OR2L13: variants seen among roughly 807,000 people sequenced by gnomAD.
OR2L13 encodes the protein olfactory receptor 2L13.
OR2L13 carries 14 observed loss-of-function variants against 15.3 expected under a neutral mutation model. That is an observed-to-expected ratio of 0.91 (90% CI 0.60 to 1.43). The LOEUF is 1.43. Ranked by LOEUF, OR2L13 falls within the 40% of genes most tolerant of loss-of-function variation. The pLI is 0.00. For synonymous variants in OR2L13, 152 were observed against 142.9 expected (o/e 1.06, Z -0.45); for missense variants, 367 against 387.9 (o/e 0.95, Z 0.45).
At chr1:248,037,252 C>T in the OR2L13 span, among the ~76,000 whole-genome samples, 4 of 152,200 alleles carry the variant, frequency 2.6e-5, no homozygotes, top group African/African-American at 7.2e-5. Context: ...AATTATTATG[C>T]AAAGACAATT....
chr1:248,051,113 A>G, the OR2L13 span: 1 of 152,152 alleles, frequency 6.6e-6, no homozygotes, highest in East Asian at 1.9e-4. Context: ...CTCCAAAACA[A>G]TTTCATTGTC....
chr1:248,034,716 T>A, the OR2L13 span, among the ~76,000 whole-genome samples: 4 of 152,180 alleles, frequency 2.6e-5, no homozygotes, highest in African/African-American at 9.7e-5. Flanking sequence ...AATCCTTAAG[T>A]GTTTCGTTTC....
chr1:248,049,561 C>T, the OR2L13 span, among the ~76,000 whole-genome samples: 12 of 152,066 alleles, frequency 7.9e-5, no homozygotes, highest in Admixed American at 5.2e-4. Flanking sequence ...AACCATTTTT[C>T]TGTGAAGCTA....
chr1:247,979,745 G>A, the OR2L13 span, among the ~76,000 whole-genome samples: 35 of 152,134 alleles, frequency 2.3e-4, no homozygotes, highest in South Asian at 1.9e-3. Flanking sequence ...TGTTGGTCCC[G>A]CTGGGAGATG....
the OR2L13 span, among the ~76,000 whole-genome samples, chr1:248,060,130 T>C: frequency 6.6e-6 from 1 of 152,202 alleles, no homozygotes; most frequent in Non-Finnish European, 1.5e-5. Flanking sequence ...AATGTATGCA[T>C]TTATACTGAC....
At chr1:248,039,757 AT>A in the OR2L13 span, 1 of 152,214 alleles carries the variant, frequency 6.6e-6, no homozygotes, top group Non-Finnish European at 1.5e-5. Flanking sequence ...TAAGACAAAA[AT>A]AACAAATTAG....
chr1:248,022,435 TCC>T, the OR2L13 span: 1 of 1,614,058 alleles, frequency 6.2e-7, no homozygotes, highest in African/African-American at 1.3e-5. Context: ...GTATATGCAT[TCC>T]GTATCCCATA....
At chr1:247,957,522 G>T in the OR2L13 span, among the ~76,000 whole-genome samples, 1 of 152,194 alleles carries the variant, frequency 6.6e-6, no homozygotes, top group African/African-American at 2.4e-5. Flanking sequence ...AGAATGGTAC[G>T]AGCTCCTCCT....
At chr1:248,069,694 G>A in the OR2L13 span, among the ~76,000 whole-genome samples, 1 of 152,112 alleles carries the variant, frequency 6.6e-6, no homozygotes, top group African/African-American at 2.4e-5. Context: ...TGGATAAAGA[G>A]TCAAGACCCA....
chr1:248,001,387 C>A, the OR2L13 span, among the ~76,000 whole-genome samples: 1 of 151,602 alleles, frequency 6.6e-6, no homozygotes, highest in African/African-American at 2.4e-5. Context: ...TCGACTACAA[C>A]TTTTTCTGCT....
the OR2L13 span, among the ~76,000 whole-genome samples, chr1:247,962,258 A>C: frequency 2.0e-5 from 3 of 152,222 alleles, no homozygotes; most frequent in Non-Finnish European, 4.4e-5. Context: ...AATTGCAAAG[A>C]TATTTCCCTG....
chr1:248,069,359 A>G, the OR2L13 span, among the ~76,000 whole-genome samples: 2 of 152,196 alleles, frequency 1.3e-5, no homozygotes, highest in African/African-American at 4.8e-5. Flanking sequence ...CCAGAATTTC[A>G]TATCCAGCCA....
At chr1:247,938,630 A>G in the OR2L13 span, among the ~76,000 whole-genome samples, 1 of 152,188 alleles carries the variant, frequency 6.6e-6, no homozygotes, top group African/African-American at 2.4e-5. Context: ...AGAAGACTTC[A>G]TGTAAATAAA....
At chr1:247,977,941 G>A in the OR2L13 span, among the ~76,000 whole-genome samples, 6 of 151,994 alleles carry the variant, frequency 3.9e-5, no homozygotes, top group Admixed American at 2.0e-4. Context: ...CTCATCACCC[G>A]TCCAGACTCC....
the OR2L13 span, among the ~76,000 whole-genome samples, chr1:248,071,541 G>A: frequency 6.6e-6 from 1 of 151,956 alleles, no homozygotes; most frequent in Non-Finnish European, 1.5e-5. Context: ...GCAAAAACTG[G>A]AAGCATTCCC....
the OR2L13 span, chr1:248,003,826 G>A: frequency 1.5e-5 from 24 of 1,613,524 alleles, no homozygotes; most frequent in Non-Finnish European, 1.9e-5. Flanking sequence ...CTGCAGAAGG[G>A]AAGAAGAAGG....
the OR2L13 span, among the ~76,000 whole-genome samples, chr1:247,956,900 T>G: frequency 6.6e-6 from 1 of 152,122 alleles, no homozygotes; most frequent in African/African-American, 2.4e-5. Context: ...ACAGGGACAA[T>G]TTGACTTCCT....
At chr1:248,084,456 A>G in the OR2L13 span, 1 of 1,609,766 alleles carries the variant, frequency 6.2e-7, no homozygotes, top group South Asian at 1.1e-5. Flanking sequence ...GGTCCCGGTG[A>G]ATCAGGAGAA....
the OR2L13 span, among the ~76,000 whole-genome samples, chr1:248,012,674 C>G: frequency 2.0e-3 from 301 of 152,206 alleles, 1 homozygote; most frequent in African/African-American, 6.8e-3. Context: ...CTGTATTTGA[C>G]TTTCAAGAAA....
Sources: gnomAD v4.1 joint callset for allele counts (sites outside exome capture counted in the v4.1 genomes callset) on GRCh38, gnomAD v4.1.1 for gene constraint, MANE v1.5 for transcripts, NCBI Gene and HGNC (gene_info 2026-07-23, HGNC 2026-07-21) for gene names.